CHAT: variants seen among roughly 807,000 people sequenced by gnomAD.
The protein encoded by CHAT is choline O-acetyltransferase.
Under a neutral mutation model 76.9 loss-of-function variants are expected in CHAT, and 61 were observed. That is an observed-to-expected ratio of 0.79 (90% confidence interval 0.65 to 0.98). The LOEUF is 0.98. Among genes scored for constraint, CHAT ranks in the 50% least tolerant of loss-of-function variants. CHAT has a pLI of 0.00. For missense variants in CHAT, 946 were observed against 986.9 expected (o/e 0.96, Z 0.56); for synonymous variants, 407 against 397.4 (o/e 1.02, Z -0.29).
intron 11 of CHAT, 92 bp downstream of exon 11, chr10:49,652,098 C>G: frequency 6.4e-7 from 1 of 1,558,074 alleles, no homozygotes; most frequent in South Asian, 1.1e-5. Flanking sequence ...GAGGGAGGGA[C>G]AGCCTTCTGT....
intron 7 of CHAT, among the ~76,000 whole-genome samples, chr10:49,645,608 T>C (rs990695994): frequency 2.0e-5 from 3 of 152,078 alleles, no homozygotes; most frequent in Non-Finnish European, 4.4e-5. Flanking sequence ...CTGTGCCCTG[T>C]GGAGGAAGCT....
intron 5 of CHAT, among the ~76,000 whole-genome samples, chr10:49,625,248 G>A (rs941802141): frequency 3.3e-5 from 5 of 152,188 alleles, no homozygotes; most frequent in Non-Finnish European, 5.9e-5. Context: ...TGCCGTGCAT[G>A]AGGCAGAGGT....
chr10:49,646,588 A>G lies in CHAT; in HGVS notation c.1195A>G (p.Ser399Gly). 2 of 1,614,212 alleles carry G rather than the reference A, an allele frequency of 1.2e-6. No homozygotes were observed. The highest frequency in any genetic ancestry group is 2.2e-5 in the South Asian group (2 of 91,082). Residue 399 changes from serine to glycine, a missense_variant, in exon 8 of 15, where the codon AGC becomes GGC. Around this residue, in one of 3 missense-constraint regions of CHAT, gnomAD observed 49 missense variants for 76.7 expected, o/e 0.64. Coordinates refer to ENST00000337653, the MANE Select transcript of CHAT (RefSeq NM_020549.5). ...CLDAPGGVELSDTHRALQLLH... is the reference protein window; with the variant it reads ...CLDAPGGVELGDTHRALQLLH... ...GGACGCGCCAGGAGGCGTGGAGCTC[A>G]GCGACACCCACAGGGCACTCCAGCT... is the stretch of plus-strand genomic sequence containing the variant.
chr10:49,646,432 G>T, intron 7 of CHAT, 73 bp from the exon 8 acceptor site: 1 of 1,577,936 alleles, frequency 6.3e-7, no homozygotes, highest in Non-Finnish European at 8.7e-7. Flanking sequence ...GCCCTGCCCT[G>T]TGTGGGGCTC....
rs1235151307 is a variant in CHAT at position 49,646,901 on chromosome 10, G to A, written c.1281+227G>A. Among the ~76,000 whole-genome samples, 7 of 152,202 alleles carry A rather than the reference G, an allele frequency of 4.6e-5. No individual in the cohort carries two copies. The East Asian group carries it at 9.6e-4, about 21-fold the overall frequency. On this transcript the variant is annotated intron_variant, in intron 8 of 14. Coordinates refer to ENST00000337653, the MANE Select transcript of CHAT (RefSeq NM_020549.5). ...CTGGACCAGCCAGAACTCTTCTCAG[G>A]AGCCAGTGGCCGAACCCAACTCAAA... is the stretch of plus-strand genomic sequence containing the variant.
intron 1 of CHAT, 49 bp downstream of exon 1, chr10:49,614,524 A>C: frequency 7.7e-7 from 1 of 1,306,658 alleles, no homozygotes. Flanking sequence ...GCCGGGAGCA[A>C]GGGCGGCGGT....
intron 10 of CHAT, 92 bp from the exon 11 acceptor site, chr10:49,651,792 A>C: frequency 7.4e-7 from 1 of 1,358,982 alleles, no homozygotes. Flanking sequence ...GAACGCTAGG[A>C]CACAGACCAG....
chr10:49,622,456 G>A (rs989067826), intron 5 of CHAT, among the ~76,000 whole-genome samples: 3 of 152,228 alleles, frequency 2.0e-5, no homozygotes, highest in African/African-American at 7.2e-5. Context: ...CACATAGGAA[G>A]GCGGGGAAGG....
intron 9 of CHAT, 47 bp from the exon 10 acceptor site, chr10:49,649,461 C>T (rs1310531857): frequency 6.2e-7 from 1 of 1,613,242 alleles, no homozygotes; most frequent in East Asian, 2.2e-5. Context: ...ATGCCTCCCA[C>T]AGCTGTCTGG....
chr10:49,649,727 AG>A, intron 10 of CHAT, 91 bp downstream of exon 10: 1 of 1,419,062 alleles, frequency 7.0e-7, no homozygotes, highest in Non-Finnish European at 9.9e-7. Context: ...AAGTTTCCAA[AG>A]ACCCCAGCTC....
chr10:49,650,864 C>T (rs1294441301), intron 10 of CHAT, among the ~76,000 whole-genome samples: 1 of 152,154 alleles, frequency 6.6e-6, no homozygotes, highest in African/African-American at 2.4e-5. Flanking sequence ...GTGGTGCTCA[C>T]ATCTCAGCTT....
At chr10:49,638,033 G>A (rs750172097) in intron 7 of CHAT, among the ~76,000 whole-genome samples, 8 of 152,182 alleles carry the variant, frequency 5.3e-5, no homozygotes, top group African/African-American at 1.4e-4. Flanking sequence ...TGTTGAGAGC[G>A]GTGTTACAGT....
At chr10:49,660,876 G>A (rs1176194663) in intron 13 of CHAT, among the ~76,000 whole-genome samples, 2 of 152,176 alleles carry the variant, frequency 1.3e-5, no homozygotes, top group East Asian at 3.8e-4. Flanking sequence ...AAAGAAGCAA[G>A]GAAACCTAAT....
chr10:49,656,269 C>T (rs1840030857), intron 13 of CHAT, among the ~76,000 whole-genome samples: 1 of 144,300 alleles, frequency 6.9e-6, no homozygotes, highest in Non-Finnish European at 1.5e-5. Context: ...AGCACCCACT[C>T]ATGTATTCAG....
In CHAT at chr10:49,621,928, G is replaced by T. The variant is rs57681997; in HGVS notation, c.699-169G>T. On this transcript the variant is annotated intron_variant, in intron 4 of 14. Transcript: ENST00000337653. Reference sequence around the variant, plus strand: ...CACACGGGGGCGGCATACAATGGGCGATCACAGAGTTTGGCAGTGGGGATG... The same window carrying T: ...CACACGGGGGCGGCATACAATGGGCTATCACAGAGTTTGGCAGTGGGGATG... 0.14 allele frequency among the ~76,000 whole-genome samples: 1,042 copies of T among 7,710 alleles called. 11 individuals carry two copies. Among genetic ancestry groups the T allele is most frequent in the Middle Eastern group, 0.33 (4 of 12 alleles). The allele number at this position is 7,710 out of a possible 152,430, so 5.1% of individuals were successfully genotyped here. A position where few individuals can be genotyped will look rare whatever the true frequency, so the allele number is the denominator to read the frequency against.
At chr10:49,648,309 C>T (rs890640271) in intron 8 of CHAT, among the ~76,000 whole-genome samples, 198 bp from the exon 9 acceptor site, 8 of 152,236 alleles carry the variant, frequency 5.3e-5, no homozygotes, top group Middle Eastern at 3.4e-3. Flanking sequence ...GGAAAGAGGT[C>T]GTGAGTGCAG....
At position 49,667,182 on chromosome 10, in the gene CHAT, C is replaced by T. The variant is rs757463410; in HGVS notation, c.*2136C>T. Among the ~76,000 whole-genome samples the T allele has an allele frequency of 2.6e-5, 4 of 152,134 alleles. No individual in the cohort carries two copies. The highest frequency in any genetic ancestry group is 5.9e-5 in the Non-Finnish European group (4 of 68,022). On this transcript the variant is annotated 3_prime_UTR_variant, in exon 15 of 15. Coordinates refer to ENST00000337653, the MANE Select transcript of CHAT (RefSeq NM_020549.5). ...GTCTGCCAGCAGCAGTAGCTAATGT[C>T]TAAAAGACACAGGGGCCAGGAGAGA...
chr10:49,661,478 C>T (rs886569851), intron 13 of CHAT: 2 of 152,208 alleles, frequency 1.3e-5, no homozygotes, highest in African/African-American at 2.4e-5. Flanking sequence ...TAATTAGGTG[C>T]GTTCAGAGAG....
chr10:49,619,684 C>T (rs534525626), intron 2 of CHAT, 41 bp from the exon 3 acceptor site: 3 of 1,588,712 alleles, frequency 1.9e-6, no homozygotes, highest in Admixed American at 1.7e-5. Flanking sequence ...GCATGGGGCG[C>T]ACATACTAGA....
Sources: gnomAD v4.1 joint callset for allele counts (sites outside exome capture counted in the v4.1 genomes callset) on GRCh38, gnomAD v4.1.1 for gene constraint, gnomAD v4.1.1 regional missense constraint, MANE v1.5 for transcripts, NCBI Gene and HGNC (gene_info 2026-07-23, HGNC 2026-07-21) for gene names.